The following LRMDA variants were observed in gnomAD, a reference collection of about 807,000 sequenced individuals.
The protein encoded by LRMDA is leucine rich melanocyte differentiation associated, also known as leucine-rich melanocyte differentiation-associated protein.
A neutral mutation model predicts 29.8 loss-of-function variants in LRMDA; 18 were observed. The ratio of observed to expected loss-of-function variants is 0.60; its 90% CI spans 0.42 to 0.90. LRMDA has a LOEUF of 0.90. Ranked by LOEUF, LRMDA falls within the 40% of genes least tolerant of loss-of-function variation. The pLI is 0.00. For missense variants in LRMDA, 273 were observed against 273.9 expected, an observed-to-expected ratio of 1.00 and a Z score of 0.02; for synonymous variants, 125 against 109.4, an observed-to-expected ratio of 1.14 and a Z score of -0.89.
intron 3 of LRMDA, among the ~76,000 whole-genome samples, chr10:76,040,011 T>A (rs1392502254): frequency 6.6e-6 from 1 of 152,124 alleles, no homozygotes; most frequent in East Asian, 1.9e-4. Flanking sequence ...ATTCCGTGAG[T>A]TGGGTACTGT....
intron 2 of LRMDA, among the ~76,000 whole-genome samples, chr10:75,569,654 T>C (rs1175446838): frequency 1.3e-5 from 2 of 152,256 alleles, no homozygotes; most frequent in Non-Finnish European, 2.9e-5. Context: ...AGCTATTATT[T>C]ACCCAGCTAA....
chr10:76,377,864 C>CT (rs1395369527), intron 6 of LRMDA, among the ~76,000 whole-genome samples: 3 of 152,042 alleles, frequency 2.0e-5, no homozygotes, highest in Admixed American at 6.6e-5. Flanking sequence ...TATTCAGTTT[C>CT]TTTTTTGGTT....
intron 6 of LRMDA, among the ~76,000 whole-genome samples, chr10:76,380,338 T>G (rs1841574387): frequency 6.6e-6 from 1 of 152,140 alleles, no homozygotes; most frequent in Non-Finnish European, 1.5e-5. Context: ...ATTTTCATTT[T>G]CTTTTTAAAA....
chr10:75,693,911 T>C (rs907073794), intron 2 of LRMDA, among the ~76,000 whole-genome samples: 1 of 152,210 alleles, frequency 6.6e-6, no homozygotes, highest in African/African-American at 2.4e-5. Context: ...AGAAAGATGC[T>C]TTTTCTAGCT....
At chr10:76,524,327 C>T (rs979248453) in intron 6 of LRMDA, among the ~76,000 whole-genome samples, 8 of 152,146 alleles carry the variant, frequency 5.3e-5, no homozygotes, top group Non-Finnish European at 8.8e-5. Context: ...GGAGACAAAG[C>T]GAGGATGGGA....
At chr10:76,464,161 C>T (rs1335503587) in intron 6 of LRMDA, among the ~76,000 whole-genome samples, 8 of 151,972 alleles carry the variant, frequency 5.3e-5, no homozygotes, top group African/African-American at 1.9e-4. Flanking sequence ...TCAGGTCATC[C>T]GCCCGCCTCG....
At chr10:75,663,313 T>C (rs1841778707) in intron 2 of LRMDA, among the ~76,000 whole-genome samples, 2 of 152,174 alleles carry the variant, frequency 1.3e-5, no homozygotes, top group South Asian at 4.1e-4. Context: ...GACTGGCCTG[T>C]GAGACTTTCC....
intron 2 of LRMDA, among the ~76,000 whole-genome samples, chr10:75,674,692 GCAGGGAGTTTTGGGAGT>G (rs1305103313): frequency 6.6e-6 from 1 of 152,168 alleles, no homozygotes; most frequent in African/African-American, 2.4e-5. Flanking sequence ...TGATAAGCGA[GCAGGGAGTTTTGGGAGT>G]CAGGATTTCC....
At chr10:75,575,626 T>C (rs3001918) in intron 2 of LRMDA, among the ~76,000 whole-genome samples, 14,386 of 152,142 alleles carry the variant, frequency 0.095, 888 homozygotes, top group East Asian at 0.31. Flanking sequence ...CCCAGCGAGA[T>C]TGATGCAGAA....
At chr10:75,510,569 C>T (rs1025044554) in intron 2 of LRMDA, among the ~76,000 whole-genome samples, 4 of 152,122 alleles carry the variant, frequency 2.6e-5, no homozygotes, top group Admixed American at 6.5e-5. Flanking sequence ...AAATATAATT[C>T]GAGCTGAGTT....
rs74985996 is a variant in LRMDA, at chr10:75,455,189, A to G, written c.131+16695A>G. Among the ~76,000 whole-genome samples the G allele has an allele frequency of 4.0e-3, 604 of 152,290 alleles. 7 individuals are homozygous for G. Among genetic ancestry groups the G allele is most frequent in the African/African-American group, 0.014 (578 of 41,538 alleles). ...TAGACTAATCCTTTGACTAAATGAGAGTGGGAACTGCCCAGAATAGCGTGA... is the reference window on the plus strand; with the variant it reads ...TAGACTAATCCTTTGACTAAATGAGGGTGGGAACTGCCCAGAATAGCGTGA... On this transcript the variant is annotated intron_variant, in intron 2 of 6. Transcript: ENST00000611255.
chr10:76,043,748 C>G (rs1210524586), intron 3 of LRMDA, among the ~76,000 whole-genome samples: 1 of 152,178 alleles, frequency 6.6e-6, no homozygotes, highest in African/African-American at 2.4e-5. Context: ...GCTTCCTTCA[C>G]TCGTCATTAA....
chr10:75,629,610 G>C (rs1841297927), intron 2 of LRMDA, among the ~76,000 whole-genome samples: 1 of 80,720 alleles, frequency 1.2e-5, no homozygotes, highest in Non-Finnish European at 3.2e-5. Flanking sequence ...TGAGCATTAA[G>C]TCCTCTTTTT....
At chr10:75,456,153 C>T (rs922470606) in intron 2 of LRMDA, among the ~76,000 whole-genome samples, 4 of 152,196 alleles carry the variant, frequency 2.6e-5, no homozygotes, top group African/African-American at 4.8e-5. Context: ...ACAGGAGTTG[C>T]GGGGGAGACA....
chr10:75,529,649 GGACATCTTGAGAGGT>G (rs1167485623), intron 2 of LRMDA, among the ~76,000 whole-genome samples: 1 of 152,130 alleles, frequency 6.6e-6, no homozygotes, highest in East Asian at 1.9e-4. Context: ...TGATGCATCT[GGACATCTTGAGAGGT>G]GACTTAAAAA....
At chr10:75,526,502 A>T (rs1489083138) in intron 2 of LRMDA, among the ~76,000 whole-genome samples, 1 of 152,128 alleles carries the variant, frequency 6.6e-6, no homozygotes, top group Non-Finnish European at 1.5e-5. Flanking sequence ...TACTCACAAG[A>T]TGGAGATTAC....
chr10:75,803,028 T>A (rs1442970214), intron 2 of LRMDA, among the ~76,000 whole-genome samples: 1 of 151,150 alleles, frequency 6.6e-6, no homozygotes, highest in Non-Finnish European at 1.5e-5. Flanking sequence ...CACTCTCTCC[T>A]TCCTCCCATT....
At chr10:75,602,362 G>A (rs544133955) in intron 2 of LRMDA, among the ~76,000 whole-genome samples, 1 of 152,158 alleles carries the variant, frequency 6.6e-6, no homozygotes, top group Non-Finnish European at 1.5e-5. Context: ...AATTTTCTGA[G>A]CTTGGAGAAA....
chr10:76,356,826 G>A (rs1211144792), intron 6 of LRMDA, among the ~76,000 whole-genome samples: 1 of 152,116 alleles, frequency 6.6e-6, no homozygotes, highest in Non-Finnish European at 1.5e-5. Context: ...TATGGTAAAG[G>A]AATTTCAGCG....
Sources: gnomAD v4.1 joint callset for allele counts (sites outside exome capture counted in the v4.1 genomes callset) on GRCh38, gnomAD v4.1.1 for gene constraint, MANE v1.5 for transcripts, NCBI Gene and HGNC (gene_info 2026-07-23, HGNC 2026-07-21) for gene names.